Variants in KATNAL2 observed in about 807,000 individuals in gnomAD.
The protein encoded by KATNAL2 is katanin catalytic subunit A1 like 2.
In KATNAL2, 52 loss-of-function variants were observed where a neutral mutation model predicts 76.3. The ratio of observed to expected loss-of-function variants is 0.68; its 90% CI spans 0.55 to 0.86. The LOEUF is 0.86. Ranked by LOEUF, KATNAL2 falls within the 40% of genes least tolerant of loss-of-function variation. The pLI is 0.00. For missense variants in KATNAL2, 660 were observed against 668.9 expected, an observed-to-expected ratio of 0.99 and a Z score of 0.15; for synonymous variants, 243 against 244.2, an observed-to-expected ratio of 1.00 and a Z score of 0.05.
At chr18:46,919,257 C>T (rs148593381) in intron 1 of KATNAL2, among the ~76,000 whole-genome samples, 2 of 151,848 alleles carry the variant, frequency 1.3e-5, no homozygotes, top group Admixed American at 6.6e-5. Flanking sequence ...GAGGCAGAGG[C>T]GGGCGGATCA....
chr18:46,933,871 C>G (rs1246781843), intron 1 of KATNAL2, among the ~76,000 whole-genome samples: 1 of 145,350 alleles, frequency 6.9e-6, no homozygotes, highest in Admixed American at 7.0e-5. Context: ...TTGTTCAATT[C>G]CCACCTATGA....
chr18:46,961,026 A>T (rs1376343458), intron 3 of KATNAL2, among the ~76,000 whole-genome samples: 4 of 152,262 alleles, frequency 2.6e-5, no homozygotes, highest in Admixed American at 6.5e-5. Flanking sequence ...AGATCAAGCA[A>T]ACATGGGGGA....
chr18:47,099,429 C>G, intron 16 of KATNAL2, 24 bp downstream of exon 16: 1 of 1,589,170 alleles, frequency 6.3e-7, no homozygotes. Flanking sequence ...GAGAGGGGCA[C>G]ATGTAGGTCA....
At chr18:47,076,546 G>A (rs577609898) in intron 14 of KATNAL2, 9 of 152,280 alleles carry the variant, frequency 5.9e-5, no homozygotes, top group African/African-American at 1.9e-4. Flanking sequence ...TCGAGCTAAT[G>A]TGAAGACTCT....
At chr18:47,032,176 A>G (rs2060496568) in intron 3 of KATNAL2, among the ~76,000 whole-genome samples, 1 of 152,216 alleles carries the variant, frequency 6.6e-6, no homozygotes, top group African/African-American at 2.4e-5. Flanking sequence ...ACTTAGGGAA[A>G]CTATTTTGGC....
At chr18:46,940,333 T>C (rs2059210702) in intron 1 of KATNAL2, among the ~76,000 whole-genome samples, 1 of 152,218 alleles carries the variant, frequency 6.6e-6, no homozygotes, top group East Asian at 1.9e-4. Context: ...TTCACTCTGT[T>C]TGTGGATAAG....
intron 3 of KATNAL2, chr18:47,035,557 G>T (rs2060734685): frequency 3.3e-6 from 2 of 614,994 alleles, no homozygotes; most frequent in African/African-American, 3.7e-5. Context: ...AAGCTCTGGT[G>T]CCAGAGCTGG....
chr18:46,919,556 G>C (rs2058406366), intron 1 of KATNAL2, among the ~76,000 whole-genome samples: 1 of 152,050 alleles, frequency 6.6e-6, no homozygotes, highest in South Asian at 2.1e-4. Flanking sequence ...GGCTGAGACA[G>C]GAAAATTGCT....
At chr18:47,043,321 C>T (rs1290775614) in intron 3 of KATNAL2, among the ~76,000 whole-genome samples, 1 of 151,548 alleles carries the variant, frequency 6.6e-6, no homozygotes, top group South Asian at 2.1e-4. Flanking sequence ...TAATGTTATA[C>T]CTTTTCAAGC....
chr18:47,099,340 C>T lies in KATNAL2; in HGVS notation c.1309C>T (p.Pro437Ser). The T allele has an allele frequency of 6.2e-7, 1 of 1,614,116 alleles. No homozygotes were observed. The highest frequency in any genetic ancestry group is 8.5e-7 in the Non-Finnish European group (1 of 1,179,962). ...GCAGGCCATGATCTACCACTGGCTG[C>T]CTCCTGTGAGCAAGAGCAGGGCCTT... ...ARQAMIYHWL[P>S]PVSKSRALEL... The change falls in exon 16 of 18, where the codon CCT becomes TCT. Residue 437 changes from proline (P) to serine (S), a missense_variant. Physicochemically the swap from Pro to Ser is moderately conservative, Grantham distance 74. Coordinates refer to ENST00000683218, the MANE Select transcript of KATNAL2 (RefSeq NM_001387690.1).
chr18:47,098,242 A>G, intron 15 of KATNAL2: 1 of 401,156 alleles, frequency 2.5e-6, no homozygotes, highest in Non-Finnish European at 4.9e-6. Context: ...AAAGTGTACT[A>G]GTCCATTTTC....
At chr18:47,081,751 AT>A (rs2062534557) in intron 15 of KATNAL2, among the ~76,000 whole-genome samples, 2 of 152,278 alleles carry the variant, frequency 1.3e-5, no homozygotes, top group East Asian at 3.9e-4. Context: ...TCCTTCTTAT[AT>A]GTGCAGGATG....
At chr18:46,958,422 T>C (rs1478280041) in intron 3 of KATNAL2, among the ~76,000 whole-genome samples, 2 of 152,086 alleles carry the variant, frequency 1.3e-5, no homozygotes, top group African/African-American at 2.4e-5. Flanking sequence ...ATCTAGTAAA[T>C]AATAAATCTA....
intron 15 of KATNAL2, among the ~76,000 whole-genome samples, chr18:47,095,247 C>T (rs1237390843): frequency 6.6e-6 from 1 of 152,142 alleles, no homozygotes; most frequent in Non-Finnish European, 1.5e-5. Flanking sequence ...TAAGTGCAGT[C>T]TTAGTTAATT....
intron 1 of KATNAL2, among the ~76,000 whole-genome samples, chr18:46,931,297 C>G (rs929477593): frequency 1.3e-5 from 2 of 149,740 alleles, no homozygotes; most frequent in Non-Finnish European, 3.0e-5. Context: ...GAGATTCCGT[C>G]TCAAAATAAA....
At chr18:47,048,601 G>A (rs1014837632) in intron 4 of KATNAL2, among the ~76,000 whole-genome samples, 5 of 152,148 alleles carry the variant, frequency 3.3e-5, no homozygotes, top group African/African-American at 7.2e-5. Context: ...GTCTTTCTGT[G>A]CCTCTGTTTC....
chr18:46,931,243 T>G (rs1478354442), intron 1 of KATNAL2, among the ~76,000 whole-genome samples: 1 of 151,256 alleles, frequency 6.6e-6, no homozygotes, highest in Non-Finnish European at 1.5e-5. Context: ...GAGGTTGCAG[T>G]GAGCTGAGAT....
chr18:47,066,888 T>TATATATATACATAC (rs11281082), intron 10 of KATNAL2, 133 bp from the exon 11 acceptor site: 1 of 75,816 alleles, frequency 1.3e-5, no homozygotes, highest in African/African-American at 4.4e-5. Context: ...TATATATATA[T>TATATATATACATAC]ATATAATATG....
At chr18:46,941,386 C>A (rs992431421) in intron 1 of KATNAL2, among the ~76,000 whole-genome samples, 1 of 151,800 alleles carries the variant, frequency 6.6e-6, no homozygotes, top group African/African-American at 2.4e-5. Flanking sequence ...AATCACCTTA[C>A]AAAACATCCT....
Sources: gnomAD v4.1 joint callset for allele counts (sites outside exome capture counted in the v4.1 genomes callset) on GRCh38, gnomAD v4.1.1 for gene constraint, MANE v1.5 for transcripts, NCBI Gene and HGNC (gene_info 2026-07-23, HGNC 2026-07-21) for gene names.